Variants in CCDC32 observed in about 807,000 individuals in gnomAD.
CCDC32 encodes coiled-coil domain containing 32.
In CCDC32, 9 loss-of-function variants were observed where a neutral mutation model predicts 20.1. The ratio of observed to expected loss-of-function variants is 0.45; its 90% CI spans 0.27 to 0.78. The LOEUF (loss-of-function observed/expected upper bound fraction) is 0.78. Ranked by LOEUF, CCDC32 falls within the 30% of genes least tolerant of loss-of-function variation. The probability of loss-of-function intolerance (pLI) is 0.16; values close to 1 mark genes in which losing one functional copy is unlikely to be tolerated. For missense variants in CCDC32, 204 were observed against 215.5 expected (o/e 0.95, Z 0.33); for synonymous variants, 63 against 79.0 (o/e 0.80, Z 1.07).
downstream of CCDC32, among the ~76,000 whole-genome samples, chr15:40,550,928 G>A (rs950793398): frequency 3.9e-5 from 6 of 152,140 alleles, no homozygotes; most frequent in African/African-American, 9.7e-5. Flanking sequence ...CACTATTTTC[G>A]GGTACAGAAA....
chr15:40,550,136 G>A (rs906753005), downstream of CCDC32, among the ~76,000 whole-genome samples: 5 of 152,228 alleles, frequency 3.3e-5, no homozygotes, highest in Non-Finnish European at 5.9e-5. Flanking sequence ...CAGTCCCTTA[G>A]GTTATCTGCC....
downstream of CCDC32, chr15:40,535,939 T>C (rs1889090193): frequency 6.6e-6 from 1 of 152,290 alleles, no homozygotes; most frequent in Non-Finnish European, 1.5e-5. Context: ...AGCCAAGGAC[T>C]CCAGACTCTA....
chr15:40,524,824 T>TCAAG (rs1458360069), downstream of CCDC32, among the ~76,000 whole-genome samples: 2 of 139,910 alleles, frequency 1.4e-5, no homozygotes, highest in Non-Finnish European at 3.0e-5. Context: ...CCTCCTGGGG[T>TCAAG]CAAGCAATCC....
At chr15:40,547,844 C>G (rs1889685070) in intron 3 of CCDC32, among the ~76,000 whole-genome samples, 1 of 152,214 alleles carries the variant, frequency 6.6e-6, no homozygotes, top group Non-Finnish European at 1.5e-5. Flanking sequence ...CTTTCCTGAC[C>G]TGTTCCCACT....
chr15:40,521,342 A>G, the CCDC32 span, among the ~76,000 whole-genome samples: 4 of 152,190 alleles, frequency 2.6e-5, no homozygotes, highest in Non-Finnish European at 4.4e-5. Flanking sequence ...CACTTGGCAT[A>G]ACGTTTTCAA....
downstream of CCDC32, chr15:40,536,108 G>A (rs1174369799): frequency 1.3e-5 from 2 of 152,216 alleles, no homozygotes; most frequent in Non-Finnish European, 1.5e-5. Flanking sequence ...TCCCCCAAAG[G>A]GGTCCCAAGT....
chr15:40,544,406 G>A (rs772180314), intron 3 of CCDC32, among the ~76,000 whole-genome samples: 3 of 151,854 alleles, frequency 2.0e-5, no homozygotes, highest in African/African-American at 2.4e-5. Context: ...TTGTAGAGAC[G>A]GGGTCTCTTT....
In CCDC32 at chr15:40,558,906, C is replaced by T. The variant is rs895152347; in HGVS notation, c.245-1534G>A. Reference sequence around the variant, plus strand: ...GCAAGCTCCGCCTCCTGGGTTCAAGCGATTCTCCTGCCTCAGCCTCCCAAG... The same window carrying T: ...GCAAGCTCCGCCTCCTGGGTTCAAGTGATTCTCCTGCCTCAGCCTCCCAAG... On this transcript the variant is annotated intron_variant, in intron 2 of 3. Coordinates refer to ENST00000416810, the MANE Select transcript of CCDC32 (RefSeq NM_001080792.4). Among the ~76,000 whole-genome samples the T allele has an allele frequency of 4.7e-5, 7 of 150,142 alleles. No individual in the cohort carries two copies. The East Asian group carries it at 1.4e-3, about 30-fold the overall frequency.
chr15:40,548,478 A>G (rs1444417034), downstream of CCDC32, among the ~76,000 whole-genome samples: 1 of 152,356 alleles, frequency 6.6e-6, no homozygotes, highest in African/African-American at 2.4e-5. Context: ...ATTGCTGAGT[A>G]ACAAATCAAC....
downstream of CCDC32, among the ~76,000 whole-genome samples, chr15:40,530,544 T>TC: frequency 6.7e-6 from 1 of 149,728 alleles, no homozygotes; most frequent in South Asian, 2.2e-4. Flanking sequence ...TCTCTCTCTC[T>TC]TGCTTGGTCC....
downstream of CCDC32, among the ~76,000 whole-genome samples, chr15:40,533,421 C>T (rs1888972277): frequency 6.6e-6 from 1 of 152,118 alleles, no homozygotes; most frequent in African/African-American, 2.4e-5. Context: ...GTGATCTCAG[C>T]TCACTGCAAC....
chr15:40,534,371 C>T (rs1889018950), downstream of CCDC32: 1 of 155,610 alleles, frequency 6.4e-6, no homozygotes, highest in Non-Finnish European at 1.4e-5. Context: ...TTAATTGGCT[C>T]ACAGTTTGGC....
chr15:40,564,947 G>A lies in CCDC32; in HGVS notation c.-13+29C>T, dbSNP rs534636985. On this transcript the variant is annotated intron_variant, in intron 1 of 3. Coordinates refer to ENST00000416810, the MANE Select transcript of CCDC32 (RefSeq NM_001080792.4). The stretch of plus-strand genomic sequence containing the variant: ...CGGGCCAGAGTGGGAGATCCAAAAC[G>A]CTGGGCACCCCAGCCCCTCCTCACT... The A allele has an allele frequency of 1.3e-5, 10 of 754,380 alleles. No homozygotes were observed. The South Asian group carries it at 1.7e-4, about 13-fold the overall frequency. 46.7% of individuals were successfully genotyped at this position (754,380 alleles called of 1,614,324 possible). A position where few individuals can be genotyped will look rare whatever the true frequency, so the allele number is the denominator to read the frequency against.
downstream of CCDC32, chr15:40,535,702 G>A (rs1045263636): frequency 7.5e-6 from 7 of 932,464 alleles, no homozygotes; most frequent in Non-Finnish European, 8.9e-6. Context: ...ATCAGTGTGC[G>A]GGATTTGAGC....
chr15:40,528,662 G>T, downstream of CCDC32: 1 of 665,704 alleles, frequency 1.5e-6, no homozygotes, highest in East Asian at 2.7e-5. Context: ...TGTTACCCTG[G>T]TGATGACGGA....
downstream of CCDC32, among the ~76,000 whole-genome samples, chr15:40,527,859 C>T (rs1462783139): frequency 6.6e-6 from 1 of 152,194 alleles, no homozygotes; most frequent in Non-Finnish European, 1.5e-5. Context: ...AAGAAATACA[C>T]TTCTTTTCTT....
downstream of CCDC32, among the ~76,000 whole-genome samples, chr15:40,548,382 C>T (rs1276880387): frequency 6.6e-6 from 1 of 152,168 alleles, no homozygotes; most frequent in Non-Finnish European, 1.5e-5. Context: ...CTGCAACCAT[C>T]GCAGACTAGA....
intron 3 of CCDC32, chr15:40,556,718 G>C (rs1890262239): frequency 6.6e-6 from 1 of 152,482 alleles, no homozygotes; most frequent in Non-Finnish European, 1.5e-5. Context: ...CACGCCTGTA[G>C]TCCCGGCTAC....
At chr15:40,539,692 G>C (rs1194344892) in intron 3 of CCDC32, among the ~76,000 whole-genome samples, 1 of 152,126 alleles carries the variant, frequency 6.6e-6, no homozygotes, top group Non-Finnish European at 1.5e-5. Context: ...AAATTTCCTT[G>C]CCCAATAGGT....
Sources: allele counts gnomAD v4.1 joint callset (sites outside exome capture counted in the v4.1 genomes callset), GRCh38; gene constraint gnomAD v4.1.1; transcripts MANE v1.5; gene names NCBI Gene and HGNC (gene_info 2026-07-23, HGNC 2026-07-21).